Variants in ATP13A3 observed in about 807,000 individuals in gnomAD.
ATP13A3 encodes polyamine-transporting ATPase 13A3.
A neutral mutation model predicts 158.1 loss-of-function variants in ATP13A3; 59 were observed. The observed-to-expected ratio is 0.37, with a 90% CI of 0.30 to 0.46. ATP13A3 has a LOEUF of 0.46. Among genes scored for constraint, ATP13A3 ranks in the 20% least tolerant of loss-of-function variants. ATP13A3 has a pLI of 1.00. For missense variants in ATP13A3, 1,166 were observed against 1,525.2 expected (o/e 0.76, Z 3.92); for synonymous variants, 491 against 504.3 (o/e 0.97, Z 0.35).
chr3:194,421,559 A>C, intron 30 of ATP13A3, among the ~76,000 whole-genome samples: 1 of 151,366 alleles, frequency 6.6e-6, no homozygotes, highest in Non-Finnish European at 1.5e-5. Context: ...TCTCAAAAAA[A>C]AAAAAAAAAA....
At chr3:194,481,682 A>C (rs1720756657) in intron 2 of ATP13A3, among the ~76,000 whole-genome samples, 1 of 152,218 alleles carries the variant, frequency 6.6e-6, no homozygotes, top group Non-Finnish European at 1.5e-5. Flanking sequence ...ACCACCCAAC[A>C]TCAGTTACAA....
At chr3:194,477,988 T>G (rs1461559930) in intron 2 of ATP13A3, among the ~76,000 whole-genome samples, 1 of 152,206 alleles carries the variant, frequency 6.6e-6, no homozygotes, top group African/African-American at 2.4e-5. Context: ...CCAATGAACT[T>G]AAAACAGTGT....
chr3:194,458,222 G>GT (rs1292105167), intron 6 of ATP13A3, among the ~76,000 whole-genome samples: 1 of 151,866 alleles, frequency 6.6e-6, no homozygotes, highest in Non-Finnish European at 1.5e-5. Flanking sequence ...AATCAATGGA[G>GT]TAAGTTTAAA....
intron 10 of ATP13A3, chr3:194,452,771 G>T (rs1718900487): frequency 6.6e-6 from 1 of 151,982 alleles, no homozygotes; most frequent in South Asian, 2.1e-4. Context: ...TCACTTACAA[G>T]CACTTAATCA....
At chr3:194,406,401 T>C (rs1560063732) in intron 33 of ATP13A3, among the ~76,000 whole-genome samples, 1 of 152,192 alleles carries the variant, frequency 6.6e-6, no homozygotes, top group African/African-American at 2.4e-5. Context: ...GTGTGTTCTT[T>C]TGTTTTATTT....
At position 194,419,959 on chromosome 3, in the gene ATP13A3, CA is replaced by C; in HGVS notation, c.3321del (p.Phe1107LeufsTer5). The stretch of plus-strand genomic sequence containing the variant: ...ATATATAAAAAAATCACAGAAAAAA[CA>C]AAAAAATCTGGAAAAGACAGCAAAA... The part of the protein sequence containing the change: ...FRQPCYKNYF[F>X]VFSVIFLYIF... On this transcript the variant is annotated frameshift_variant, in exon 31 of 34. Coordinates refer to ENST00000645319, the MANE Select transcript of ATP13A3 (RefSeq NM_001367549.1). LOFTEE classifies it high-confidence loss of function. 6.6e-7 allele frequency: 1 copy of C among 1,519,310 alleles called. No homozygotes were observed. The highest frequency in any genetic ancestry group is 8.7e-7 in the Non-Finnish European group (1 of 1,144,022). The allele number at this position is 1,519,310 out of a possible 1,614,324, so 94.1% of individuals were successfully genotyped here. A position where few individuals can be genotyped will look rare whatever the true frequency, so the allele number is the denominator to read the frequency against.
rs572347840 is a variant in ATP13A3 at position 194,414,047 on chromosome 3, A to C, written c.3403-208T>G. 4.6e-5 allele frequency among the ~76,000 whole-genome samples: 7 copies of C among 152,200 alleles called. No individual in the cohort carries two copies. In the South Asian group the frequency reaches 6.2e-4, roughly 14 times the overall value. On this transcript the variant is annotated intron_variant, in intron 31 of 33. Coordinates refer to ENST00000645319, the MANE Select transcript of ATP13A3 (RefSeq NM_001367549.1). ...CAAAGTTTAAGTAACTCAAGGTTAA[A>C]GAAAATATTAAGTGACTGAGGTTAG... is the stretch of plus-strand genomic sequence containing the variant.
At chr3:194,492,792 A>G (rs1721161413) in intron 2 of ATP13A3, among the ~76,000 whole-genome samples, 1 of 152,322 alleles carries the variant, frequency 6.6e-6, no homozygotes, top group Non-Finnish European at 1.5e-5. Context: ...TACTTATAAT[A>G]CGATGTAAAT....
intron 16 of ATP13A3, among the ~76,000 whole-genome samples, chr3:194,439,893 C>T (rs1717923200): frequency 6.6e-6 from 1 of 152,176 alleles, no homozygotes; most frequent in African/African-American, 2.4e-5. Context: ...TGGAGAAAAG[C>T]TTAGAGAAGA....
chr3:194,431,616 T>A, intron 22 of ATP13A3, 101 bp downstream of exon 22: 1 of 1,185,190 alleles, frequency 8.4e-7, no homozygotes, highest in Non-Finnish European at 1.1e-6. Flanking sequence ...TGTTTTCATT[T>A]AGTTTTTGCT....
At chr3:194,449,043 C>T (rs1718602840) in intron 11 of ATP13A3, among the ~76,000 whole-genome samples, 1 of 114,076 alleles carries the variant, frequency 8.8e-6, no homozygotes, top group Non-Finnish European at 1.8e-5. Context: ...CGATCCACCC[C>T]TACACACACA....
chr3:194,455,317 G>A (rs1719147875), intron 8 of ATP13A3, among the ~76,000 whole-genome samples: 1 of 152,084 alleles, frequency 6.6e-6, no homozygotes, highest in South Asian at 2.1e-4. Flanking sequence ...CCCACCCAAT[G>A]TCTTCAAATT....
intron 27 of ATP13A3, 111 bp downstream of exon 27, chr3:194,429,567 A>C (rs1717067395): frequency 1.5e-6 from 1 of 675,626 alleles, no homozygotes; most frequent in Non-Finnish European, 2.4e-6. Context: ...TATAGGTACT[A>C]CTCACAGAAA....
At chr3:194,450,982 T>C (rs1479586045) in intron 10 of ATP13A3, 13 of 152,248 alleles carry the variant, frequency 8.5e-5, no homozygotes, top group Non-Finnish European at 1.3e-4. Flanking sequence ...GGCTTTTCTT[T>C]AGGGTCACCT....
In ATP13A3 at chr3:194,453,789, A is replaced by G. The variant is rs1470833634; in HGVS notation, c.766-11T>C. 5 of 1,610,640 alleles carry G rather than the reference A, an allele frequency of 3.1e-6. No homozygotes were observed. In the South Asian group the frequency reaches 5.5e-5, roughly 18 times the overall value. ...CAACATAACATATTGCTGAAAGAGG[A>G]AAAAGAAGTTAGAAACTAGCCAATA... On this transcript the variant is annotated splice_polypyrimidine_tract_variant and intron_variant, in intron 9 of 33. Transcript: ENST00000645319.
chr3:194,434,614 T>C (rs753087909), intron 20 of ATP13A3, among the ~76,000 whole-genome samples: 4 of 152,324 alleles, frequency 2.6e-5, no homozygotes, highest in Non-Finnish European at 4.4e-5. Flanking sequence ...TCAGTGATAG[T>C]TACGTTCTTA....
intron 14 of ATP13A3, among the ~76,000 whole-genome samples, chr3:194,446,200 T>C (rs545612940): frequency 5.3e-5 from 8 of 152,112 alleles, no homozygotes; most frequent in Non-Finnish European, 1.2e-4. Flanking sequence ...TCAAATACGA[T>C]TGTTTTGTCC....
chr3:194,440,626 A>G (rs1352013971), intron 16 of ATP13A3, among the ~76,000 whole-genome samples: 1 of 152,200 alleles, frequency 6.6e-6, no homozygotes, highest in Non-Finnish European at 1.5e-5. Flanking sequence ...CTTCATTTTT[A>G]GAGTAAAAAA....
intron 3 of ATP13A3, among the ~76,000 whole-genome samples, chr3:194,461,570 C>T (rs980225538): frequency 6.6e-6 from 1 of 152,108 alleles, no homozygotes; most frequent in African/African-American, 2.4e-5. Context: ...CCCCAACAAG[C>T]GTTGCCAGAT....
Sources: gnomAD v4.1 joint callset for allele counts (sites outside exome capture counted in the v4.1 genomes callset) on GRCh38, gnomAD v4.1.1 for gene constraint, MANE v1.5 for transcripts, NCBI Gene and HGNC (gene_info 2026-07-23, HGNC 2026-07-21) for gene names.